CDH12: variants seen among roughly 807,000 people sequenced by gnomAD.
CDH12 encodes cadherin 12, also known as cadherin-12.
Under a neutral mutation model 74.1 loss-of-function variants are expected in CDH12, and 41 were observed. That is an observed-to-expected ratio of 0.55 (90% confidence interval 0.43 to 0.72). The LOEUF is 0.72. Among genes scored for constraint, CDH12 ranks in the 30% least tolerant of loss-of-function variants. The pLI is 0.00. For missense variants in CDH12, 945 were observed against 977.2 expected, an observed-to-expected ratio of 0.97 and a Z score of 0.44; for synonymous variants, 399 against 355.0, an observed-to-expected ratio of 1.12 and a Z score of -1.39.
chr5:22,491,393 G>A (rs1440412531), intron 2 of CDH12, among the ~76,000 whole-genome samples: 1 of 151,962 alleles, frequency 6.6e-6, no homozygotes, highest in Non-Finnish European at 1.5e-5. Context: ...CATATACCAC[G>A]TTTTCTTTAT....
chr5:22,569,434 T>C (rs1170173219), intron 1 of CDH12, among the ~76,000 whole-genome samples: 1 of 152,206 alleles, frequency 6.6e-6, no homozygotes, highest in Non-Finnish European at 1.5e-5. Context: ...CAGATGCTGA[T>C]GCCATGCTTC....
At chr5:21,973,689 G>A (rs1262287056) in intron 6 of CDH12, among the ~76,000 whole-genome samples, 1 of 152,128 alleles carries the variant, frequency 6.6e-6, no homozygotes, top group Non-Finnish European at 1.5e-5. Flanking sequence ...AGTAGGCACC[G>A]AGTTAAACTA....
At chr5:22,618,394 A>G (rs1414592438) in intron 1 of CDH12, among the ~76,000 whole-genome samples, 2 of 152,130 alleles carry the variant, frequency 1.3e-5, no homozygotes, top group East Asian at 3.9e-4. Flanking sequence ...TTAATCAGAT[A>G]TACGCAATGG....
chr5:22,639,086 A>G (rs975626011), intron 1 of CDH12: 2 of 140,878 alleles, frequency 1.4e-5, no homozygotes, highest in Non-Finnish European at 3.1e-5. Context: ...AAAAAAAAAA[A>G]AAGAATGCCT....
At chr5:22,005,335 G>A (rs1459996230) in intron 5 of CDH12, among the ~76,000 whole-genome samples, 1 of 152,168 alleles carries the variant, frequency 6.6e-6, no homozygotes, top group Non-Finnish European at 1.5e-5. Context: ...GAGCCACTGT[G>A]CTCGGCCCTA....
At chr5:22,463,145 T>G (rs547127227) in intron 2 of CDH12, among the ~76,000 whole-genome samples, 1 of 152,298 alleles carries the variant, frequency 6.6e-6, no homozygotes, top group Admixed American at 6.5e-5. Flanking sequence ...TGAGTAATTC[T>G]TTTTACACAA....
chr5:22,067,355 A>G (rs1189675290), intron 5 of CDH12, among the ~76,000 whole-genome samples: 1 of 152,248 alleles, frequency 6.6e-6, no homozygotes, highest in East Asian at 1.9e-4. Context: ...AAGGTGAAGC[A>G]TAAGTTGTTG....
chr5:22,310,928 T>C (rs974590155), intron 3 of CDH12, among the ~76,000 whole-genome samples: 1 of 152,214 alleles, frequency 6.6e-6, no homozygotes, highest in African/African-American at 2.4e-5. Context: ...AAAATTATTT[T>C]CCTTGGCAAC....
chr5:22,382,935 A>G (rs991684987), intron 3 of CDH12, among the ~76,000 whole-genome samples: 4 of 152,014 alleles, frequency 2.6e-5, no homozygotes, highest in African/African-American at 7.2e-5. Flanking sequence ...GGTTCAAACA[A>G]TTCTCCTGCC....
At chr5:22,241,546 A>G (rs990940706) in intron 3 of CDH12, among the ~76,000 whole-genome samples, 1 of 152,024 alleles carries the variant, frequency 6.6e-6, no homozygotes, top group Non-Finnish European at 1.5e-5. Flanking sequence ...AAGAAAAAAT[A>G]GTGTTTTTGA....
At chr5:22,416,849 T>C (rs1304408781) in intron 2 of CDH12, among the ~76,000 whole-genome samples, 41 of 152,214 alleles carry the variant, frequency 2.7e-4, no homozygotes, top group Non-Finnish European at 5.9e-5. Context: ...GACAGGACTG[T>C]ACGGTTTTAA....
chr5:21,912,607 C>G (rs1753906173), intron 6 of CDH12, among the ~76,000 whole-genome samples: 1 of 152,010 alleles, frequency 6.6e-6, no homozygotes. Flanking sequence ...TTGGGCATGT[C>G]AATAGGAAGA....
At chr5:22,816,661 A>G (rs979424716) in intron 1 of CDH12, among the ~76,000 whole-genome samples, 2 of 152,154 alleles carry the variant, frequency 1.3e-5, no homozygotes, top group African/African-American at 4.8e-5. Context: ...ATTAGGTATG[A>G]CCCATGACAA....
intron 1 of CDH12, among the ~76,000 whole-genome samples, chr5:22,794,427 A>T (rs546220124): frequency 1.3e-5 from 2 of 152,292 alleles, no homozygotes; most frequent in East Asian, 3.9e-4. Flanking sequence ...GTGTCATGTG[A>T]CCTGCCAACT....
At chr5:22,178,471 A>G (rs1040771311) in intron 4 of CDH12, among the ~76,000 whole-genome samples, 9 of 152,178 alleles carry the variant, frequency 5.9e-5, no homozygotes, top group Non-Finnish European at 1.3e-4. Context: ...TCTGTTATAA[A>G]CAATGAACAT....
At chr5:22,026,987 C>T (rs1006101519) in intron 5 of CDH12, among the ~76,000 whole-genome samples, 3 of 152,064 alleles carry the variant, frequency 2.0e-5, no homozygotes, top group African/African-American at 7.2e-5. Flanking sequence ...AAGATATGTC[C>T]CATCAATACC....
chr5:22,073,131 T>C (rs533773721), intron 5 of CDH12, among the ~76,000 whole-genome samples: 1 of 152,268 alleles, frequency 6.6e-6, no homozygotes, highest in East Asian at 1.9e-4. Context: ...CCTTCATAGT[T>C]ACATTTATTC....
At chr5:22,739,951 A>T (rs1194353989) in intron 1 of CDH12, among the ~76,000 whole-genome samples, 1 of 152,148 alleles carries the variant, frequency 6.6e-6, no homozygotes, top group Non-Finnish European at 1.5e-5. Context: ...TGTAAGGCAG[A>T]ATAAATGACA....
intron 2 of CDH12, among the ~76,000 whole-genome samples, chr5:22,497,631 C>T (rs1162110970): frequency 2.2e-5 from 3 of 134,668 alleles, no homozygotes; most frequent in Admixed American, 1.8e-4. Context: ...CACTGCCTGT[C>T]GAATCTCTTT....
Sources: gnomAD v4.1 joint callset for allele counts (sites outside exome capture counted in the v4.1 genomes callset) on GRCh38, gnomAD v4.1.1 for gene constraint, MANE v1.5 for transcripts, NCBI Gene and HGNC (gene_info 2026-07-23, HGNC 2026-07-21) for gene names.